The following TTC7B variants were observed in gnomAD, a reference collection of about 807,000 sequenced individuals.
TTC7B encodes tetratricopeptide repeat protein 7B.
A neutral mutation model predicts 106.8 loss-of-function variants in TTC7B; 28 were observed. The observed-to-expected ratio is 0.26, with a 90% confidence interval of 0.19 to 0.36. The LOEUF (loss-of-function observed/expected upper bound fraction) is 0.36, where lower values mean the gene tolerates loss of function less well. Among genes scored for constraint, TTC7B ranks in the 10% least tolerant of loss-of-function variants. The pLI is 1.00. For synonymous variants in TTC7B, 405 were observed against 430.6 expected (o/e 0.94, Z 0.74); for missense variants, 862 against 1,076.4 (o/e 0.80, Z 2.79).
chr14:90,729,498 T>G (rs1371060062), intron 5 of TTC7B, among the ~76,000 whole-genome samples: 2 of 152,172 alleles, frequency 1.3e-5, no homozygotes, highest in East Asian at 1.9e-4. Context: ...CTGAAGAGAT[T>G]TGGAACAGAA....
intron 18 of TTC7B, among the ~76,000 whole-genome samples, chr14:90,586,228 AC>A (rs1447295547): frequency 1.3e-5 from 2 of 152,022 alleles, no homozygotes; most frequent in African/African-American, 4.8e-5. Flanking sequence ...CGCCTTGCCG[AC>A]CACTCCCCTT....
chr14:90,754,058 T>A (rs2140009882), intron 3 of TTC7B, among the ~76,000 whole-genome samples: 1 of 152,358 alleles, frequency 6.6e-6, no homozygotes, highest in Non-Finnish European at 1.5e-5. Flanking sequence ...TCAGATACTG[T>A]TCTCAGAGTT....
intron 16 of TTC7B, among the ~76,000 whole-genome samples, chr14:90,613,962 CACAGAGGTTAAACA>C (rs1265605076): frequency 6.6e-6 from 1 of 152,194 alleles, no homozygotes; most frequent in Non-Finnish European, 1.5e-5. Context: ...CTCTATCTTC[CACAGAGGTTAAACA>C]CGAGAGGCTT....
At chr14:90,680,559 T>C (rs557951837) in intron 7 of TTC7B, 24 bp from the exon 8 acceptor site, 1 of 1,591,774 alleles carries the variant, frequency 6.3e-7, no homozygotes, top group South Asian at 1.1e-5. Flanking sequence ...AAAACTGACT[T>C]TGATATATGG....
chr14:90,718,048 C>A (rs1410006730), intron 5 of TTC7B, among the ~76,000 whole-genome samples: 1 of 152,242 alleles, frequency 6.6e-6, no homozygotes, highest in Non-Finnish European at 1.5e-5. Context: ...CAATGGTCTG[C>A]CCTTGAGGGG....
intron 3 of TTC7B, among the ~76,000 whole-genome samples, chr14:90,772,186 G>C (rs1411710957): frequency 9.2e-5 from 14 of 151,862 alleles, no homozygotes. Context: ...CGTTCTGCAG[G>C]GCAATCTGGA....
At chr14:90,545,354 CCACTAA>C (rs1566761580) in intron 19 of TTC7B, among the ~76,000 whole-genome samples, 2 of 152,224 alleles carry the variant, frequency 1.3e-5, no homozygotes, top group Non-Finnish European at 2.9e-5. Context: ...ATTTCTCTGA[CCACTAA>C]CTGCTGATTT....
intron 17 of TTC7B, among the ~76,000 whole-genome samples, chr14:90,607,777 A>G (rs1047215286): frequency 2.0e-5 from 3 of 152,262 alleles, no homozygotes; most frequent in African/African-American, 7.2e-5. Flanking sequence ...GTATGGAGGC[A>G]TCTTCAGATA....
intron 3 of TTC7B, chr14:90,767,025 T>TA: frequency 1.5e-6 from 1 of 657,916 alleles, no homozygotes; most frequent in Non-Finnish European, 2.2e-6. Context: ...ATAGTTTATA[T>TA]ACCAAAAAAA....
intron 2 of TTC7B, among the ~76,000 whole-genome samples, chr14:90,784,505 G>A (rs184118260): frequency 3.8e-3 from 574 of 151,884 alleles, no homozygotes; most frequent in South Asian, 6.2e-3. Context: ...TGCAGTGAGC[G>A]AAGATCACGC....
At chr14:90,544,351 G>A (rs1889733208) in intron 19 of TTC7B, among the ~76,000 whole-genome samples, 1 of 152,244 alleles carries the variant, frequency 6.6e-6, no homozygotes, top group Non-Finnish European at 1.5e-5. Flanking sequence ...GCATCTGCCA[G>A]AGAAGGTTCC....
intron 15 of TTC7B, among the ~76,000 whole-genome samples, chr14:90,625,402 C>A (rs1487714145): frequency 6.6e-6 from 1 of 152,176 alleles, no homozygotes; most frequent in Non-Finnish European, 1.5e-5. Flanking sequence ...GGAAACTGAT[C>A]GCAATTCATT....
intron 1 of TTC7B, among the ~76,000 whole-genome samples, chr14:90,800,333 C>T (rs144457516): frequency 1.3e-5 from 2 of 152,246 alleles, no homozygotes; most frequent in East Asian, 3.9e-4. Flanking sequence ...AAAGATTAAA[C>T]TGGAGGTGTG....
intron 5 of TTC7B, among the ~76,000 whole-genome samples, chr14:90,703,480 C>T (rs1429730957): frequency 6.6e-6 from 1 of 152,166 alleles, no homozygotes; most frequent in Non-Finnish European, 1.5e-5. Flanking sequence ...GCAACGTTCA[C>T]TTCCATTCAA....
intron 16 of TTC7B, among the ~76,000 whole-genome samples, chr14:90,615,381 G>T (rs1652477994): frequency 6.6e-6 from 1 of 152,206 alleles, no homozygotes; most frequent in Non-Finnish European, 1.5e-5. Flanking sequence ...AGAGCAGGGG[G>T]CCCATTACAA....
chr14:90,637,386 A>G (rs1311936644), intron 15 of TTC7B, among the ~76,000 whole-genome samples: 1 of 108,302 alleles, frequency 9.2e-6, no homozygotes, highest in East Asian at 2.7e-4. Flanking sequence ...AGCATCAGAA[A>G]TCTTCCCACA....
At chr14:90,650,890 C>T (rs1180612143) in intron 13 of TTC7B, among the ~76,000 whole-genome samples, 1 of 152,180 alleles carries the variant, frequency 6.6e-6, no homozygotes, top group African/African-American at 2.4e-5. Context: ...TGCAGCCACC[C>T]AACCTGGATG....
At chr14:90,625,695 A>T (rs1884409276) in intron 15 of TTC7B, among the ~76,000 whole-genome samples, 1 of 152,210 alleles carries the variant, frequency 6.6e-6, no homozygotes. Context: ...ATGAGAAAGG[A>T]TGGAACAGGT....
intron 5 of TTC7B, among the ~76,000 whole-genome samples, chr14:90,714,631 AT>A (rs1209646297): frequency 1.3e-5 from 2 of 151,634 alleles, no homozygotes; most frequent in African/African-American, 4.9e-5. Flanking sequence ...TAATTTTTGT[AT>A]TTTTAGTAGA....
Sources: gnomAD v4.1 joint callset for allele counts (sites outside exome capture counted in the v4.1 genomes callset) on GRCh38, gnomAD v4.1.1 for gene constraint, MANE v1.5 for transcripts, NCBI Gene and HGNC (gene_info 2026-07-23, HGNC 2026-07-21) for gene names.